Variants in NCKAP5 observed in about 807,000 individuals in gnomAD.
NCKAP5 encodes NCK associated protein 5.
A neutral mutation model predicts 167.0 loss-of-function variants in NCKAP5; 92 were observed. The ratio of observed to expected loss-of-function variants is 0.55; its 90% CI spans 0.47 to 0.66. The LOEUF is 0.66. Among genes scored for constraint, NCKAP5 ranks in the 30% least tolerant of loss-of-function variants. NCKAP5 has a pLI of 0.00. For missense variants in NCKAP5, 2,378 were observed against 2,315.0 expected (o/e 1.03, Z -0.56); for synonymous variants, 891 against 877.4 (o/e 1.02, Z -0.27).
chr2:132,927,769 G>A (rs1696022300), intron 8 of NCKAP5, among the ~76,000 whole-genome samples: 1 of 151,952 alleles, frequency 6.6e-6, no homozygotes, highest in Non-Finnish European at 1.5e-5. Flanking sequence ...AGAGTTTTTG[G>A]AGACATCGTT....
intron 19 of NCKAP5, among the ~76,000 whole-genome samples, chr2:132,693,948 C>A (rs980832252): frequency 6.6e-6 from 1 of 151,832 alleles, no homozygotes; most frequent in African/African-American, 2.4e-5. Flanking sequence ...TAAGCCCTCT[C>A]GTTTATGGCA....
At chr2:133,052,809 C>G (rs1172433645) in intron 6 of NCKAP5, among the ~76,000 whole-genome samples, 1 of 151,036 alleles carries the variant, frequency 6.6e-6, no homozygotes, top group Non-Finnish European at 1.5e-5. Flanking sequence ...AATTGATAAA[C>G]AATTGTTTAT....
intron 3 of NCKAP5, among the ~76,000 whole-genome samples, chr2:133,412,684 C>G (rs565464296): frequency 6.6e-6 from 1 of 152,150 alleles, no homozygotes; most frequent in Non-Finnish European, 1.5e-5. Flanking sequence ...CCAGAAGGAA[C>G]TCTAGAAGTA....
intron 5 of NCKAP5, among the ~76,000 whole-genome samples, chr2:133,140,718 C>T (rs527584331): frequency 9.4e-5 from 14 of 149,330 alleles, no homozygotes; most frequent in South Asian, 2.1e-4. Context: ...ATACATATGA[C>T]GTATTAATCA....
chr2:133,011,873 C>G (rs1165596766), intron 6 of NCKAP5, among the ~76,000 whole-genome samples: 2 of 152,174 alleles, frequency 1.3e-5, no homozygotes, highest in Non-Finnish European at 2.9e-5. Flanking sequence ...TCCTGATTAT[C>G]TCAATTTCAA....
At chr2:133,031,009 ACTC>A (rs931307765) in intron 6 of NCKAP5, among the ~76,000 whole-genome samples, 6 of 152,034 alleles carry the variant, frequency 3.9e-5, no homozygotes, top group African/African-American at 1.4e-4. Flanking sequence ...CTCAAGATAA[ACTC>A]CTCCTTTAAG....
intron 13 of NCKAP5, among the ~76,000 whole-genome samples, chr2:132,789,297 A>G (rs1182817819): frequency 3.3e-5 from 5 of 152,220 alleles, no homozygotes; most frequent in Non-Finnish European, 5.9e-5. Context: ...AGCAGTCATT[A>G]TTCAGAGCAC....
chr2:132,727,573 C>T (rs1190751311), intron 18 of NCKAP5, among the ~76,000 whole-genome samples: 1 of 152,210 alleles, frequency 6.6e-6, no homozygotes, highest in Non-Finnish European at 1.5e-5. Flanking sequence ...GATGCCTGCT[C>T]CGGTTTGGGA....
intron 19 of NCKAP5, among the ~76,000 whole-genome samples, chr2:132,700,858 C>T (rs1324441560): frequency 7.0e-6 from 1 of 143,518 alleles, no homozygotes; most frequent in Non-Finnish European, 1.5e-5. Context: ...TCCATTTCAA[C>T]TTTCAAATTC....
At chr2:133,506,350 C>T (rs916958867) in intron 3 of NCKAP5, among the ~76,000 whole-genome samples, 1 of 152,196 alleles carries the variant, frequency 6.6e-6, no homozygotes, top group African/African-American at 2.4e-5. Context: ...GAGATGGTGG[C>T]AGAGTATATT....
Position 132,903,892 on chromosome 2 carries a change from C to A in NCKAP5, c.580-24976G>T, listed in dbSNP as rs138458932. Among the ~76,000 whole-genome samples the A allele has an allele frequency of 3.4e-3, 516 of 152,030 alleles. 5 individuals are homozygous for A. Among genetic ancestry groups the A allele is most frequent in the Admixed American group, 0.017 (260 of 15,254 alleles). On this transcript the variant is annotated intron_variant, in intron 8 of 19. Transcript: ENST00000409261. ...AATTACCATTAATGTTATAATGTAG[C>A]TTTTCAGGGGTATAAAATATACATT...
At chr2:133,291,505 A>G (rs535209309) in intron 4 of NCKAP5, among the ~76,000 whole-genome samples, 4 of 152,292 alleles carry the variant, frequency 2.6e-5, no homozygotes, top group Non-Finnish European at 5.9e-5. Flanking sequence ...CTATTGGTAA[A>G]ATGTGATTCA....
At chr2:132,880,084 G>A (rs1444077643) in intron 8 of NCKAP5, among the ~76,000 whole-genome samples, 2 of 152,142 alleles carry the variant, frequency 1.3e-5, no homozygotes, top group East Asian at 3.8e-4. Context: ...TCATATACAG[G>A]AGCTAAAAAT....
At chr2:133,321,493 T>A (rs990106407) in intron 3 of NCKAP5, among the ~76,000 whole-genome samples, 2 of 152,224 alleles carry the variant, frequency 1.3e-5, no homozygotes, top group Admixed American at 6.5e-5. Flanking sequence ...TACTTTGTCA[T>A]ATTAAGCTTA....
intron 19 of NCKAP5, among the ~76,000 whole-genome samples, chr2:132,718,645 A>G (rs991982867): frequency 3.3e-5 from 5 of 152,214 alleles, no homozygotes; most frequent in African/African-American, 1.2e-4. Flanking sequence ...AAAGAAGAAG[A>G]AAGGTCCTTA....
chr2:133,295,406 G>T (rs1249632275), intron 4 of NCKAP5, among the ~76,000 whole-genome samples: 1 of 152,002 alleles, frequency 6.6e-6, no homozygotes, highest in Non-Finnish European at 1.5e-5. Flanking sequence ...AGGATTAATG[G>T]CTCTGAGAAG....
Position 133,281,286 on chromosome 2 carries a change from C to T in NCKAP5, c.143+21751G>A, listed in dbSNP as rs189418596. Among the ~76,000 whole-genome samples the T allele has an allele frequency of 2.8e-4, 42 of 152,260 alleles. No homozygotes were observed. The East Asian group carries it at 7.3e-3, about 27-fold the overall frequency. On this transcript the variant is annotated intron_variant, in intron 4 of 19. Transcript: ENST00000409261. ...TTGTTTATAAAGACAAGTATAGTTG[C>T]TTATATCATTTCAAATTGTGCTTTG...
the NCKAP5 span, among the ~76,000 whole-genome samples, chr2:133,643,661 T>C: frequency 6.6e-6 from 1 of 152,174 alleles, no homozygotes; most frequent in Non-Finnish European, 1.5e-5. Context: ...TCCATTTAAC[T>C]CCACTATCAC....
intron 16 of NCKAP5, among the ~76,000 whole-genome samples, chr2:132,733,294 G>GT (rs1558985938): frequency 6.6e-6 from 1 of 152,162 alleles, no homozygotes; most frequent in African/African-American, 2.4e-5. Context: ...GTCTAGCACT[G>GT]GGTAAGCGGA....
Sources: gnomAD v4.1 joint callset for allele counts (sites outside exome capture counted in the v4.1 genomes callset) on GRCh38, gnomAD v4.1.1 for gene constraint, MANE v1.5 for transcripts, NCBI Gene and HGNC (gene_info 2026-07-23, HGNC 2026-07-21) for gene names.